Variants in FCRL2 observed in about 807,000 individuals in gnomAD.
FCRL2 encodes Fc receptor-like protein 2.
In FCRL2, 48 loss-of-function variants were observed where a neutral mutation model predicts 59.8. That is an observed-to-expected ratio of 0.80 (90% confidence interval 0.64 to 1.02). FCRL2 has a LOEUF of 1.02. Among genes scored for constraint, FCRL2 ranks in the 50% least tolerant of loss-of-function variants. The pLI is 0.00. For synonymous variants in FCRL2, 251 were observed against 229.5 expected (o/e 1.09, Z -0.85); for missense variants, 658 against 597.3 (o/e 1.10, Z -1.06).
intron 1 of FCRL2, among the ~76,000 whole-genome samples, chr1:157,776,312 C>A (rs1650407348): frequency 6.6e-6 from 1 of 152,218 alleles, no homozygotes; most frequent in Non-Finnish European, 1.5e-5. Context: ...CTCTCTCACC[C>A]AGGCTGGAGT....
At chr1:157,776,489 C>T (rs902335739) in intron 1 of FCRL2, among the ~76,000 whole-genome samples, 1 of 152,024 alleles carries the variant, frequency 6.6e-6, no homozygotes, top group Non-Finnish European at 1.5e-5. Flanking sequence ...GGGGTGGTCT[C>T]GAACTCTGAC....
At chr1:157,769,231 A>G (rs1277018940) in intron 4 of FCRL2, 1 of 155,850 alleles carries the variant, frequency 6.4e-6, no homozygotes, top group Non-Finnish European at 1.4e-5. Flanking sequence ...TTGGAGAGCC[A>G]TTAGACAGCA....
At chr1:157,769,755 T>G in intron 4 of FCRL2, 111 bp downstream of exon 4, 1 of 1,379,936 alleles carries the variant, frequency 7.2e-7, no homozygotes. Context: ...CTAGCTTAAT[T>G]TTCACTTTCC....
chr1:157,749,906 C>A lies in FCRL2; in HGVS notation c.1280-229G>T, dbSNP rs549059833. On this transcript the variant is annotated intron_variant, in intron 7 of 11. Transcript: ENST00000361516. ...TTAAAATGCCACTTCAAATGGCAAA[C>A]CCGTCATGCACTGGTAACTGTTTCT... is the stretch of plus-strand genomic sequence containing the variant. Among the ~76,000 whole-genome samples the A allele has an allele frequency of 3.9e-5, 6 of 152,280 alleles. No individual in the cohort carries two copies. In the South Asian group the frequency reaches 1.2e-3, roughly 32 times the overall value.
chr1:157,753,631 G>C lies in FCRL2; in HGVS notation c.1280-3954C>G, dbSNP rs144296908. ...TCCCATTGTTTAGGATTTTTATAGC[G>C]GTCCCATTACATAGGTATGATTGAT... is the stretch of plus-strand genomic sequence containing the variant. On this transcript the variant is annotated intron_variant, in intron 7 of 11. Transcript: ENST00000361516. Among the ~76,000 whole-genome samples the C allele has an allele frequency of 6.6e-5, 10 of 152,264 alleles. No homozygotes were observed. The South Asian group carries it at 8.3e-4, about 13-fold the overall frequency.
rs1648116678 is a variant in FCRL2 at position 157,750,613 on chromosome 1, A to G, written c.1280-936T>C. 2.0e-5 allele frequency among the ~76,000 whole-genome samples: 3 copies of G among 152,218 alleles called. 1 individual carries two copies. Among genetic ancestry groups the G allele is most frequent in the Admixed American group, 1.3e-4 (2 of 15,272 alleles). Reference sequence around the variant, plus strand: ...TCAACTTTGTTAGGCTTTACAGAAAACAGTGCTAGAAAATTAACTTTGATT... The same window carrying G: ...TCAACTTTGTTAGGCTTTACAGAAAGCAGTGCTAGAAAATTAACTTTGATT... On this transcript the variant is annotated intron_variant, in intron 7 of 11. Coordinates refer to ENST00000361516, the MANE Select transcript of FCRL2 (RefSeq NM_030764.4).
intron 7 of FCRL2, among the ~76,000 whole-genome samples, chr1:157,754,987 A>G (rs1557856380): frequency 6.6e-6 from 1 of 152,000 alleles, no homozygotes; most frequent in African/African-American, 2.4e-5. Context: ...AAAAGAAAAG[A>G]AAAAAAGGAG....
chr1:157,749,834 C>G (rs1648045845), intron 7 of FCRL2, among the ~76,000 whole-genome samples, 157 bp from the exon 8 acceptor site: 1 of 152,150 alleles, frequency 6.6e-6, no homozygotes. Flanking sequence ...TTTATTCCAA[C>G]ACAACTAGTT....
At chr1:157,771,590 G>T (rs1432992878) in intron 2 of FCRL2, among the ~76,000 whole-genome samples, 1 of 152,100 alleles carries the variant, frequency 6.6e-6, no homozygotes, top group Non-Finnish European at 1.5e-5. Context: ...ATCATATAAA[G>T]AAAAAAGCTA....
chr1:157,772,539 G>A (rs1202374872), intron 2 of FCRL2, among the ~76,000 whole-genome samples: 1 of 152,150 alleles, frequency 6.6e-6, no homozygotes, highest in Non-Finnish European at 1.5e-5. Context: ...GCCTGGAAGT[G>A]AACTTGCGGC....
chr1:157,766,819 T>A, intron 7 of FCRL2, 36 bp downstream of exon 7: 2 of 1,613,778 alleles, frequency 1.2e-6, no homozygotes, highest in South Asian at 2.2e-5. Context: ...GGAAAGGTCA[T>A]AGCAAAATAT....
intron 7 of FCRL2, among the ~76,000 whole-genome samples, chr1:157,752,061 G>A (rs1462379616): frequency 6.6e-6 from 1 of 152,222 alleles, no homozygotes; most frequent in Admixed American, 6.5e-5. Flanking sequence ...TGGGTGGGAG[G>A]TGAGTGCTTT....
At chr1:157,775,818 A>G (rs1274914858) in intron 1 of FCRL2, 23 bp from the exon 2 acceptor site, 2 of 1,613,662 alleles carry the variant, frequency 1.2e-6, no homozygotes, top group Non-Finnish European at 1.7e-6. Context: ...CAAAAGCCAG[A>G]GATTAGCACA....
chr1:157,751,412 TGAG>T (rs1465174175), intron 7 of FCRL2, among the ~76,000 whole-genome samples: 2 of 152,292 alleles, frequency 1.3e-5, no homozygotes, highest in Admixed American at 1.3e-4. Context: ...AAAAGGGAGA[TGAG>T]GAGCCTATAG....
intron 6 of FCRL2, 48 bp from the exon 7 acceptor site, chr1:157,767,019 C>T (rs375162517): frequency 1.3e-6 from 2 of 1,530,210 alleles, no homozygotes; most frequent in African/African-American, 1.4e-5. Context: ...AAGACTTGGG[C>T]CCTTCTTATA....
chr1:157,757,749 T>A (rs1648711795), intron 7 of FCRL2, among the ~76,000 whole-genome samples: 1 of 152,116 alleles, frequency 6.6e-6, no homozygotes, highest in Non-Finnish European at 1.5e-5. Flanking sequence ...AATCACGAGG[T>A]CAGGAGATCG....
rs199830452 is a variant in FCRL2 at position 157,760,678 on chromosome 1, GGAAAGAAAGAAAGAAA to G, written c.1279+6161_1279+6176del. On this transcript the variant is annotated intron_variant, in intron 7 of 11. Transcript: ENST00000361516. ...AAGAAGGAAGGAAGGAAGGAAGGAA[GGAAAGAAAGAAAGAAA>G]GAAGGAAAGAAAGAAAGAAAGAAAG... Among the ~76,000 whole-genome samples the G allele has an allele frequency of 3.3e-3, 231 of 70,580 alleles. 1 individual carries two copies. The highest frequency in any genetic ancestry group is 0.015 in the African/African-American group (211 of 14,338). 46.3% of individuals were successfully genotyped at this position (70,580 alleles called of 152,430 possible).
intron 5 of FCRL2, chr1:157,767,916 A>G: frequency 2.8e-6 from 1 of 363,346 alleles, no homozygotes; most frequent in Non-Finnish European, 4.8e-6. Context: ...TATTCAGCCC[A>G]GTTCAGGACT....
At chr1:157,748,807 G>T in intron 9 of FCRL2, 68 bp downstream of exon 9, 1 of 1,476,938 alleles carries the variant, frequency 6.8e-7, no homozygotes, top group Non-Finnish European at 9.4e-7. Context: ...CCACCTAATG[G>T]TCTCCGCTCC....
Sources: gnomAD v4.1 joint callset for allele counts (sites outside exome capture counted in the v4.1 genomes callset) on GRCh38, gnomAD v4.1.1 for gene constraint, MANE v1.5 for transcripts, NCBI Gene and HGNC (gene_info 2026-07-23, HGNC 2026-07-21) for gene names.